BACH2: variants seen among roughly 807,000 people sequenced by gnomAD.
The protein encoded by BACH2 is transcription regulator protein BACH2.
A neutral mutation model predicts 61.8 loss-of-function variants in BACH2; 5 were observed. The observed-to-expected ratio is 0.08, with a 90% CI of 0.04 to 0.17. The LOEUF (loss-of-function observed/expected upper bound fraction) is 0.17. BACH2 is among the 10% of genes least tolerant of loss of function. The probability of loss-of-function intolerance (pLI) is 1.00; values close to 1 mark genes in which losing one functional copy is unlikely to be tolerated. For synonymous variants in BACH2, 446 were observed against 440.1 expected (o/e 1.01, Z -0.17); for missense variants, 824 against 1,091.1 (o/e 0.76, Z 3.45).
intron 6 of BACH2, among the ~76,000 whole-genome samples, chr6:89,959,984 GA>G (rs1471620496): frequency 6.6e-6 from 1 of 152,142 alleles, no homozygotes; most frequent in Admixed American, 6.5e-5. Flanking sequence ...GTGTGTTCTG[GA>G]AGTGGCTGCA....
chr6:89,995,487 TCA>T (rs1776794960), intron 6 of BACH2, among the ~76,000 whole-genome samples: 1 of 152,198 alleles, frequency 6.6e-6, no homozygotes, highest in Non-Finnish European at 1.5e-5. Context: ...CACTCCAGGC[TCA>T]GATTGACCCC....
At chr6:90,285,135 C>T (rs974657299) in intron 1 of BACH2, among the ~76,000 whole-genome samples, 19 of 152,130 alleles carry the variant, frequency 1.2e-4, no homozygotes, top group Admixed American at 7.9e-4. Context: ...TCACACTTTC[C>T]GATGAAAATA....
At chr6:90,086,747 C>T (rs891729373) in intron 5 of BACH2, among the ~76,000 whole-genome samples, 17 of 152,154 alleles carry the variant, frequency 1.1e-4, no homozygotes, top group African/African-American at 4.1e-4. Context: ...GATGTGTAAA[C>T]GTGGAGATCT....
At chr6:90,016,671 G>T (rs1435218829) in intron 5 of BACH2, among the ~76,000 whole-genome samples, 2 of 152,112 alleles carry the variant, frequency 1.3e-5, no homozygotes, top group Non-Finnish European at 2.9e-5. Context: ...CTTTTAAAAA[G>T]ATATAAATAA....
intron 6 of BACH2, among the ~76,000 whole-genome samples, chr6:90,004,140 C>T (rs1442813467): frequency 6.6e-6 from 1 of 152,182 alleles, no homozygotes; most frequent in East Asian, 1.9e-4. Context: ...TCCATAATTT[C>T]CTTGTTGGCA....
chr6:90,034,606 G>C (rs1043471996), intron 5 of BACH2, among the ~76,000 whole-genome samples: 5 of 152,092 alleles, frequency 3.3e-5, no homozygotes, highest in Non-Finnish European at 7.4e-5. Context: ...AATTCATTCA[G>C]CAATAAAGTA....
chr6:90,126,956 G>A (rs1783875723), intron 4 of BACH2, among the ~76,000 whole-genome samples: 1 of 152,192 alleles, frequency 6.6e-6, no homozygotes, highest in Non-Finnish European at 1.5e-5. Context: ...TGACAGGGAG[G>A]AGGCAGCCTC....
At chr6:90,295,555 G>A (rs1772319720) in intron 1 of BACH2, among the ~76,000 whole-genome samples, 1 of 152,110 alleles carries the variant, frequency 6.6e-6, no homozygotes, top group Non-Finnish European at 1.5e-5. Flanking sequence ...AGCACAGCGG[G>A]GCCACGGAGC....
chr6:90,241,304 C>G (rs993924817), intron 3 of BACH2, among the ~76,000 whole-genome samples: 5 of 152,018 alleles, frequency 3.3e-5, no homozygotes, highest in African/African-American at 1.2e-4. Context: ...GTGGTATTCA[C>G]CACAGCTAAA....
chr6:90,033,897 C>T (rs1290492294), intron 5 of BACH2, among the ~76,000 whole-genome samples: 3 of 152,096 alleles, frequency 2.0e-5, no homozygotes, highest in Non-Finnish European at 4.4e-5. Context: ...GCAAATGATA[C>T]CAAAAGAGAC....
At chr6:89,964,893 C>CA (rs1554221132) in intron 6 of BACH2, among the ~76,000 whole-genome samples, 1 of 149,220 alleles carries the variant, frequency 6.7e-6, no homozygotes, top group Non-Finnish European at 1.5e-5. Context: ...AGATGTAATT[C>CA]TTTTTTTTTT....
rs78612576 is a variant in BACH2, at chr6:89,978,879, G to A, written c.244-27017C>T. ...GAATAAGCTGTATGTACTTAAATCC[G>A]AATGGCAGGCAAGTCCTCATGAAAG... On this transcript the variant is annotated intron_variant, in intron 6 of 8. Transcript: ENST00000257749. Among the ~76,000 whole-genome samples the A allele has an allele frequency of 1.5e-3, 228 of 152,210 alleles. 4 individuals are homozygous for A. The East Asian group carries it at 0.026, about 17-fold the overall frequency.
chr6:89,941,813 C>T (rs531288855), intron 7 of BACH2, among the ~76,000 whole-genome samples: 9 of 152,118 alleles, frequency 5.9e-5, no homozygotes, highest in Non-Finnish European at 1.2e-4. Context: ...GAAGATATCC[C>T]TATAGTTCAG....
chr6:90,239,717 G>A (rs887943807), intron 3 of BACH2, among the ~76,000 whole-genome samples: 1 of 150,418 alleles, frequency 6.6e-6, no homozygotes, highest in Non-Finnish European at 1.5e-5. Flanking sequence ...ATCTCTGAAG[G>A]GATCAAAGGT....
intron 2 of BACH2, among the ~76,000 whole-genome samples, chr6:90,258,618 G>T (rs1308075893): frequency 2.6e-5 from 4 of 152,090 alleles, no homozygotes; most frequent in African/African-American, 4.8e-5. Flanking sequence ...CTGGAATTTT[G>T]ATAGAGATTG....
In BACH2 at chr6:89,930,744, G is replaced by A. The variant is rs1050098434; in HGVS notation, c.*1664C>T. The A allele has an allele frequency of 8.0e-4, 122 of 152,826 alleles. No individual in the cohort carries two copies. Among genetic ancestry groups the A allele is most frequent in the African/African-American group, 2.7e-3 (111 of 41,600 alleles). The allele number at this position is 152,826 out of a possible 1,614,324, so 9.5% of individuals were successfully genotyped here. A position where few individuals can be genotyped will look rare whatever the true frequency, so the allele number is the denominator to read the frequency against. The stretch of plus-strand genomic sequence containing the variant: ...TCAGGTGAGGGTAGGGTATGTGTGT[G>A]ATTCGGGAAGGGGACAGGGAGGGTT... On this transcript the variant is annotated 3_prime_UTR_variant, in exon 9 of 9. Transcript: ENST00000257749.
chr6:90,284,114 T>C (rs1183410343), intron 1 of BACH2, among the ~76,000 whole-genome samples: 2 of 152,164 alleles, frequency 1.3e-5, no homozygotes, highest in Non-Finnish European at 2.9e-5. Flanking sequence ...GCTTTGACTA[T>C]AAAATACAAA....
At chr6:90,125,678 C>T (rs1562461008) in intron 4 of BACH2, among the ~76,000 whole-genome samples, 1 of 152,200 alleles carries the variant, frequency 6.6e-6, no homozygotes, top group Non-Finnish European at 1.5e-5. Context: ...ATGTGCAGAC[C>T]ATGCCCATTC....
chr6:90,272,774 C>A (rs960178373), intron 1 of BACH2, among the ~76,000 whole-genome samples: 3 of 152,180 alleles, frequency 2.0e-5, no homozygotes, highest in African/African-American at 7.2e-5. Context: ...CCAGATCCTG[C>A]TTAGCTGAGA....
Sources: allele counts gnomAD v4.1 joint callset (sites outside exome capture counted in the v4.1 genomes callset), GRCh38; gene constraint gnomAD v4.1.1; transcripts MANE v1.5; gene names NCBI Gene and HGNC (gene_info 2026-07-23, HGNC 2026-07-21).